Variants in CTIF observed in about 807,000 individuals in gnomAD.
CTIF encodes cap binding complex dependent translation initiation factor.
CTIF carries 21 observed loss-of-function variants against 66.0 expected under a neutral mutation model. The ratio of observed to expected loss-of-function variants is 0.32; its 90% CI spans 0.23 to 0.46. The LOEUF is 0.46. Ranked by LOEUF, CTIF falls within the 20% of genes least tolerant of loss-of-function variation. The pLI is 1.00. For missense variants in CTIF, 739 were observed against 812.7 expected (o/e 0.91, Z 1.10); for synonymous variants, 345 against 326.4 (o/e 1.06, Z -0.62).
chr18:48,608,714 G>C (rs1157257479), intron 1 of CTIF, among the ~76,000 whole-genome samples: 1 of 152,244 alleles, frequency 6.6e-6, no homozygotes, highest in African/African-American at 2.4e-5. Flanking sequence ...AGCCTGCTGA[G>C]ATCTAGCCTG....
Position 48,860,326 on chromosome 18 carries a change from A to T in CTIF, c.*767A>T, listed in dbSNP as rs1599183288. Reference sequence around the variant, plus strand: ...ATGAAAATGCCCGTGATGTGATCACACAGTCAGCACTGTTGAGGACCCCCG... The same window carrying T: ...ATGAAAATGCCCGTGATGTGATCACTCAGTCAGCACTGTTGAGGACCCCCG... On this transcript the variant is annotated 3_prime_UTR_variant, in exon 12 of 12. Transcript: ENST00000256413. 4.1e-6 allele frequency: 1 copy of T among 242,600 alleles called. No individual in the cohort carries two copies. Among genetic ancestry groups the T allele is most frequent in the Admixed American group, 4.8e-5 (1 of 20,624 alleles). The allele number at this position is 242,600 out of a possible 1,614,324, so 15.0% of individuals were successfully genotyped here.
intron 1 of CTIF, among the ~76,000 whole-genome samples, chr18:48,546,017 C>T (rs2088739919): frequency 6.6e-6 from 1 of 152,184 alleles, no homozygotes; most frequent in Admixed American, 6.5e-5. Context: ...CGCTTTTTAA[C>T]ATCCACAGTG....
chr18:48,842,165 T>G (rs1414883470), intron 10 of CTIF, among the ~76,000 whole-genome samples: 1 of 152,166 alleles, frequency 6.6e-6, no homozygotes, highest in East Asian at 1.9e-4. Context: ...GTCAGTCAAC[T>G]GAAACGTCTC....
At chr18:48,678,550 C>T (rs531501438) in intron 6 of CTIF, among the ~76,000 whole-genome samples, 1 of 151,400 alleles carries the variant, frequency 6.6e-6, no homozygotes, top group South Asian at 2.1e-4. Flanking sequence ...GCAGCGTGCT[C>T]TGTGAGGCGA....
intron 1 of CTIF, among the ~76,000 whole-genome samples, chr18:48,543,571 G>A (rs577432340): frequency 6.6e-6 from 1 of 152,320 alleles, no homozygotes; most frequent in African/African-American, 2.4e-5. Flanking sequence ...GGCCAGAGCT[G>A]TGGTTCACAA....
rs541252699 is a variant in CTIF, at chr18:48,862,527, G to A, written c.*2968G>A. 175 of 152,770 alleles carry A rather than the reference G, an allele frequency of 1.1e-3. No homozygotes were observed. The highest frequency in any genetic ancestry group is 2.2e-3 in the Non-Finnish European group (150 of 68,078). 9.5% of individuals were successfully genotyped at this position (152,770 alleles called of 1,614,324 possible). ...GGCCAGGAGCCCCGCCACCCTCCAC[G>A]GGATGTGCACCCTCAGACCCCATTC... is the stretch of plus-strand genomic sequence containing the variant. On this transcript the variant is annotated 3_prime_UTR_variant, in exon 12 of 12. Transcript: ENST00000256413.
At position 48,862,662 on chromosome 18, in the gene CTIF, T is replaced by TTTTTA. The variant is rs1555710010; in HGVS notation, c.*3111_*3115dup. 2 of 152,256 alleles carry TTTTTA rather than the reference T, an allele frequency of 1.3e-5. No homozygotes were observed. 9.4% of individuals were successfully genotyped at this position (152,256 alleles called of 1,614,324 possible). ...CCGAGTCGGTATTTATTCTGATTGATTTTTATTTTATTCTATTATTTTCTC... is the reference window on the plus strand; with the variant it reads ...CCGAGTCGGTATTTATTCTGATTGATTTTTATTTTATTTTATTCTATTATTTTCTC... On this transcript the variant is annotated 3_prime_UTR_variant, in exon 12 of 12. Coordinates refer to ENST00000256413, the MANE Select transcript of CTIF (RefSeq NM_014772.3).
chr18:48,707,522 TCTC>T (rs1490608733), intron 6 of CTIF, among the ~76,000 whole-genome samples: 2 of 151,994 alleles, frequency 1.3e-5, no homozygotes, highest in Non-Finnish European at 2.9e-5. Flanking sequence ...CTTCTCTTCT[TCTC>T]CTCCTCCTTC....
intron 10 of CTIF, among the ~76,000 whole-genome samples, chr18:48,833,478 C>A (rs1017139397): frequency 6.6e-6 from 1 of 152,138 alleles, no homozygotes; most frequent in South Asian, 2.1e-4. Flanking sequence ...AAATGCCCCC[C>A]TGCCCCCGCC....
At position 48,636,596 on chromosome 18, in the gene CTIF, C is replaced by T. The variant is rs775296079; in HGVS notation, c.181-18C>T. Reference sequence around the variant, plus strand: ...CTGGCTGTCCTGCCGTCACTGATCGCTCCTTTCTGTTCTGCAGTGGACAGC... The same window carrying T: ...CTGGCTGTCCTGCCGTCACTGATCGTTCCTTTCTGTTCTGCAGTGGACAGC... On this transcript the variant is annotated intron_variant, in intron 2 of 11. Transcript: ENST00000256413. 6 of 1,519,958 alleles carry T rather than the reference C, an allele frequency of 3.9e-6. No individual in the cohort carries two copies. The South Asian group carries it at 8.0e-5, about 20-fold the overall frequency. The allele number at this position is 1,519,958 out of a possible 1,614,324, so 94.2% of individuals were successfully genotyped here. A position where few individuals can be genotyped will look rare whatever the true frequency, so the allele number is the denominator to read the frequency against.
At chr18:48,599,055 G>A (rs562721941) in intron 1 of CTIF, among the ~76,000 whole-genome samples, 80 of 152,162 alleles carry the variant, frequency 5.3e-4, no homozygotes, top group Non-Finnish European at 9.1e-4. Flanking sequence ...CTGCCCACCC[G>A]ACGGGGGCCT....
intron 1 of CTIF, among the ~76,000 whole-genome samples, chr18:48,546,206 C>T (rs1018669176): frequency 4.6e-5 from 7 of 152,206 alleles, no homozygotes; most frequent in African/African-American, 1.7e-4. Context: ...AGATCCCTCT[C>T]TTCCTGCCAT....
rs1162404484 is a variant in CTIF, at chr18:48,685,197, G to C, written c.507+14453G>C. Among the ~76,000 whole-genome samples the C allele has an allele frequency of 3.3e-5, 5 of 151,822 alleles. No individual in the cohort carries two copies. The South Asian group carries it at 1.0e-3, about 32-fold the overall frequency. ...AATGTCTGTCAATTTGATTTTGTTT[G>C]ATGTTTCTTCATAATTGAGTTTGTG... On this transcript the variant is annotated intron_variant, in intron 6 of 11. Coordinates refer to ENST00000256413, the MANE Select transcript of CTIF (RefSeq NM_014772.3).
intron 8 of CTIF, among the ~76,000 whole-genome samples, chr18:48,759,250 C>T (rs565981233): frequency 6.6e-6 from 1 of 152,340 alleles, no homozygotes; most frequent in Admixed American, 6.5e-5. Flanking sequence ...GAAAGGCCAA[C>T]TTGCCCACAG....
At chr18:48,840,370 G>T (rs919811829) in intron 10 of CTIF, among the ~76,000 whole-genome samples, 1 of 150,690 alleles carries the variant, frequency 6.6e-6, no homozygotes, top group African/African-American at 2.5e-5. Flanking sequence ...AGCCTGGTCA[G>T]TTGAACACAG....
chr18:48,717,781 C>T (rs907526863), intron 7 of CTIF, among the ~76,000 whole-genome samples: 4 of 152,162 alleles, frequency 2.6e-5, no homozygotes, highest in Non-Finnish European at 5.9e-5. Context: ...GGCTGGAGTA[C>T]AGTAGTGCAA....
intron 2 of CTIF, among the ~76,000 whole-genome samples, chr18:48,626,918 A>G (rs1325085029): frequency 6.6e-6 from 1 of 152,084 alleles, no homozygotes; most frequent in African/African-American, 2.4e-5. Flanking sequence ...CGGCCTCCCA[A>G]AGTGTTGGGA....
chr18:48,561,131 T>C (rs991259907), intron 1 of CTIF, among the ~76,000 whole-genome samples: 1 of 145,930 alleles, frequency 6.9e-6, no homozygotes, highest in Non-Finnish European at 1.5e-5. Flanking sequence ...CCCAGCTACA[T>C]GGGAGGCTGA....
intron 10 of CTIF, among the ~76,000 whole-genome samples, chr18:48,855,980 C>G (rs2069318580): frequency 6.6e-6 from 1 of 152,116 alleles, no homozygotes; most frequent in Non-Finnish European, 1.5e-5. Context: ...ATGTGGGGTC[C>G]CTGAGAGTCG....
Sources: allele counts gnomAD v4.1 joint callset (sites outside exome capture counted in the v4.1 genomes callset), GRCh38; gene constraint gnomAD v4.1.1; transcripts MANE v1.5; gene names NCBI Gene and HGNC (gene_info 2026-07-23, HGNC 2026-07-21).